Variants in TNRC6B observed in about 807,000 individuals in gnomAD.
TNRC6B encodes the protein trinucleotide repeat containing adaptor 6B, also known as trinucleotide repeat-containing gene 6B protein.
Under a neutral mutation model 203.6 loss-of-function variants are expected in TNRC6B, and 52 were observed. The ratio of observed to expected loss-of-function variants is 0.26; its 90% CI spans 0.20 to 0.32. The LOEUF (loss-of-function observed/expected upper bound fraction) is 0.32, where lower values mean the gene tolerates loss of function less well. TNRC6B is among the 10% of genes least tolerant of loss of function. The pLI is 1.00. For missense variants in TNRC6B, 1,923 were observed against 2,286.2 expected (o/e 0.84, Z 3.24); for synonymous variants, 838 against 845.7 (o/e 0.99, Z 0.16).
At chr22:40,271,718 C>G (rs1426406101) in intron 6 of TNRC6B, among the ~76,000 whole-genome samples, 1 of 152,232 alleles carries the variant, frequency 6.6e-6, no homozygotes, top group Non-Finnish European at 1.5e-5. Flanking sequence ...AGGATCACCT[C>G]TCTTCTATCA....
At chr22:40,082,169 A>C (rs1312555839) in intron 1 of TNRC6B, among the ~76,000 whole-genome samples, 1 of 152,130 alleles carries the variant, frequency 6.6e-6, no homozygotes, top group African/African-American at 2.4e-5. Flanking sequence ...ATGTTAGTAA[A>C]TTTTCAAAGT....
At chr22:40,252,445 G>A (rs1189451210) in intron 3 of TNRC6B, among the ~76,000 whole-genome samples, 3 of 152,192 alleles carry the variant, frequency 2.0e-5, no homozygotes, top group Non-Finnish European at 4.4e-5. Context: ...GTTTTGTTTT[G>A]TTGGACTACC....
intron 12 of TNRC6B, among the ~76,000 whole-genome samples, chr22:40,293,189 TC>T (rs539459575): frequency 7.4e-6 from 1 of 134,632 alleles, no homozygotes; most frequent in Non-Finnish European, 1.6e-5. Context: ...AATATCCTTT[TC>T]TTTTTTTTTT....
At chr22:40,308,454 T>C in intron 15 of TNRC6B, 58 bp from the exon 16 acceptor site, 5 of 1,604,694 alleles carry the variant, frequency 3.1e-6, no homozygotes, top group Non-Finnish European at 1.7e-6. Context: ...TGGACTCTGC[T>C]TCAGAACTCT....
chr22:40,167,331 C>T (rs2068928388), intron 4 of TNRC6B, among the ~76,000 whole-genome samples: 1 of 152,080 alleles, frequency 6.6e-6, no homozygotes, highest in Admixed American at 6.6e-5. Flanking sequence ...TATGGAAGGA[C>T]AGATACTATT....
At chr22:40,207,418 A>ATATATAT (rs1555889669) in intron 1 of TNRC6B, among the ~76,000 whole-genome samples, 1 of 128,882 alleles carries the variant, frequency 7.8e-6, no homozygotes, top group Non-Finnish European at 1.6e-5. Context: ...AAAAAAAAAA[A>ATATATAT]ATATATATAT....
At chr22:40,132,296 G>A (rs1457200608) in intron 3 of TNRC6B, among the ~76,000 whole-genome samples, 2 of 152,118 alleles carry the variant, frequency 1.3e-5, no homozygotes, top group Non-Finnish European at 2.9e-5. Flanking sequence ...AACCCAGGAG[G>A]CAGAGGTTGC....
chr22:40,058,214 A>G (rs1025127816), intron 1 of TNRC6B, among the ~76,000 whole-genome samples: 2 of 152,220 alleles, frequency 1.3e-5, no homozygotes, highest in African/African-American at 4.8e-5. Flanking sequence ...AGGGGAAAAT[A>G]CTACTTTTAC....
chr22:40,308,457 A>C, intron 15 of TNRC6B, 55 bp from the exon 16 acceptor site: 1 of 1,609,012 alleles, frequency 6.2e-7, no homozygotes, highest in South Asian at 1.1e-5. Flanking sequence ...ACTCTGCTTC[A>C]GAACTCTTGA....
intron 4 of TNRC6B, among the ~76,000 whole-genome samples, chr22:40,165,241 G>T (rs2068908871): frequency 1.3e-5 from 2 of 151,902 alleles, no homozygotes; most frequent in African/African-American, 4.8e-5. Context: ...CAGTGGCATG[G>T]TCATGGCTTA....
Position 40,182,653 on chromosome 22 carries a change from T to C in TNRC6B, c.5+4513T>C, listed in dbSNP as rs567570211. 1.4e-4 allele frequency among the ~76,000 whole-genome samples: 22 copies of C among 152,366 alleles called. No individual in the cohort carries two copies. In the East Asian group the frequency reaches 2.9e-3, roughly 20 times the overall value. ...CCATTGCCTTCAATAGTTTGGTTCA[T>C]GTGGAAATACTTGCCATCTGGTGAC... is the stretch of plus-strand genomic sequence containing the variant. On this transcript the variant is annotated intron_variant, in intron 1 of 22. Transcript: ENST00000454349.
chr22:40,166,892 C>T (rs1169135202), intron 4 of TNRC6B, among the ~76,000 whole-genome samples: 1 of 83,852 alleles, frequency 1.2e-5, no homozygotes, highest in East Asian at 2.4e-4. Flanking sequence ...GAGACTTTGT[C>T]TCAAAAAAAA....
At chr22:40,263,890 T>C (rs1410521937) in intron 4 of TNRC6B, among the ~76,000 whole-genome samples, 1 of 152,158 alleles carries the variant, frequency 6.6e-6, no homozygotes, top group African/African-American at 2.4e-5. Context: ...ATTCTAACGT[T>C]AGCAAGTTAG....
intron 7 of TNRC6B, among the ~76,000 whole-genome samples, chr22:40,275,703 A>G (rs2070632434): frequency 6.6e-6 from 1 of 152,132 alleles, no homozygotes. Context: ...TCATGCCTGT[A>G]ATCCCAACAC....
rs1469168708 is a variant in TNRC6B at position 40,301,585 on chromosome 22, T to TG, written c.4120+252_4120+253insG. 1,229 of 491,188 alleles carry TG rather than the reference T, an allele frequency of 2.5e-3. 14 individuals carry two copies. The highest frequency in any genetic ancestry group is 0.013 in the Middle Eastern group (24 of 1,872). The allele number at this position is 491,188 out of a possible 1,614,324, so 30.4% of individuals were successfully genotyped here. ...GGCTCCAAAGCAGTCTTCCTTTTTT[T>TG]TGTGTGTGTGTGTGTGTCTGGTTTA... is the stretch of plus-strand genomic sequence containing the variant. On this transcript the variant is annotated intron_variant, in intron 15 of 22. Coordinates refer to ENST00000454349, the MANE Select transcript of TNRC6B (RefSeq NM_001162501.2).
chr22:40,262,453 T>C (rs1290790353), intron 4 of TNRC6B, among the ~76,000 whole-genome samples: 1 of 152,078 alleles, frequency 6.6e-6, no homozygotes, highest in Non-Finnish European at 1.5e-5. Flanking sequence ...TGTTACAAAT[T>C]TGAGCCTCCA....
chr22:40,200,397 C>A (rs983363597), intron 1 of TNRC6B, among the ~76,000 whole-genome samples: 9 of 142,150 alleles, frequency 6.3e-5, no homozygotes, highest in African/African-American at 2.4e-4. Flanking sequence ...AGCGTTTCTC[C>A]TGCCTCAGCC....
chr22:40,218,184 A>G (rs540917944), intron 1 of TNRC6B, among the ~76,000 whole-genome samples: 1 of 152,110 alleles, frequency 6.6e-6, no homozygotes, highest in South Asian at 2.1e-4. Flanking sequence ...AATATTAGGA[A>G]TGATTTTTAA....
chr22:40,070,532 A>T (rs543217035), intron 1 of TNRC6B, among the ~76,000 whole-genome samples: 1 of 152,246 alleles, frequency 6.6e-6, no homozygotes, highest in African/African-American at 2.4e-5. Flanking sequence ...AAGTTAAAAT[A>T]AGACTTAATG....
Sources: allele counts gnomAD v4.1 joint callset (sites outside exome capture counted in the v4.1 genomes callset), GRCh38; gene constraint gnomAD v4.1.1; transcripts MANE v1.5; gene names NCBI Gene and HGNC (gene_info 2026-07-23, HGNC 2026-07-21).